The following SLCO1A2 variants were observed in gnomAD, a reference collection of about 807,000 sequenced individuals.
SLCO1A2 encodes the protein solute carrier organic anion transporter family member 1A2.
SLCO1A2 carries 67 observed loss-of-function variants against 69.0 expected under a neutral mutation model. The observed-to-expected ratio is 0.97, with a 90% CI of 0.80 to 1.19. The LOEUF is 1.19. SLCO1A2 is among the 50% of genes most tolerant of loss of function. The probability of loss-of-function intolerance (pLI) is 0.00; values close to 1 mark genes in which losing one functional copy is unlikely to be tolerated. For synonymous variants in SLCO1A2, 260 were observed against 265.9 expected (o/e 0.98, Z 0.22); for missense variants, 787 against 793.7 (o/e 0.99, Z 0.10).
chr12:21,301,301 A>G, intron 6 of SLCO1A2, 32 bp from the exon 7 acceptor site: 1 of 1,427,488 alleles, frequency 7.0e-7, no homozygotes. Context: ...AGGTTATAGT[A>G]CAGTTATATG....
intron 12 of SLCO1A2, among the ~76,000 whole-genome samples, chr12:21,276,549 A>G (rs1434278359): frequency 6.6e-6 from 1 of 151,832 alleles, no homozygotes; most frequent in Non-Finnish European, 1.5e-5. Context: ...TACATACAAA[A>G]AAAAACCAAA....
At chr12:21,295,378 A>T (rs922487711) in intron 10 of SLCO1A2, 2 of 473,688 alleles carry the variant, frequency 4.2e-6, no homozygotes, top group African/African-American at 3.9e-5. Flanking sequence ...ACATACAATC[A>T]TAAATTCACT....
At chr12:21,353,801 C>A (rs538990394) in intron 2 of SLCO1A2, among the ~76,000 whole-genome samples, 3 of 152,300 alleles carry the variant, frequency 2.0e-5, no homozygotes, top group South Asian at 4.1e-4. Context: ...TGGCTATTCT[C>A]AAGTGGTCAT....
chr12:21,397,540 A>G (rs1032636206), upstream of SLCO1A2, among the ~76,000 whole-genome samples: 1 of 152,112 alleles, frequency 6.6e-6, no homozygotes, highest in African/African-American at 2.4e-5. Flanking sequence ...ACATCTACAG[A>G]ACCCTCCACC....
chr12:21,327,168 C>A (rs1414771697), intron 2 of SLCO1A2, among the ~76,000 whole-genome samples: 1 of 152,136 alleles, frequency 6.6e-6, no homozygotes, highest in Non-Finnish European at 1.5e-5. Context: ...AAGTCTCAAG[C>A]TTTGGTTGGG....
upstream of SLCO1A2, among the ~76,000 whole-genome samples, chr12:21,398,492 A>G (rs1383935407): frequency 6.7e-6 from 1 of 149,958 alleles, no homozygotes; most frequent in Non-Finnish European, 1.5e-5. Flanking sequence ...TCCAATCAAT[A>G]GAAAAAGACG....
chr12:21,324,647 A>C (rs1039639356), intron 2 of SLCO1A2: 1 of 152,226 alleles, frequency 6.6e-6, no homozygotes, highest in African/African-American at 2.4e-5. Context: ...TCATAAAAAC[A>C]TACTTCACCC....
At chr12:21,353,916 C>G (rs776983551) in intron 2 of SLCO1A2, among the ~76,000 whole-genome samples, 3 of 152,170 alleles carry the variant, frequency 2.0e-5, no homozygotes, top group African/African-American at 7.2e-5. Flanking sequence ...TTCTTTATAA[C>G]TCTCCCAGCA....
intron 1 of SLCO1A2, among the ~76,000 whole-genome samples, chr12:21,408,813 T>G (rs555766896): frequency 6.6e-6 from 1 of 152,276 alleles, no homozygotes; most frequent in South Asian, 2.1e-4. Flanking sequence ...AAAGTGAGCT[T>G]GTTGTCCATC....
intron 4 of SLCO1A2, among the ~76,000 whole-genome samples, chr12:21,314,048 A>G (rs1003928987): frequency 5.3e-5 from 8 of 151,944 alleles, no homozygotes; most frequent in Non-Finnish European, 7.4e-5. Context: ...TAAAAGTTAT[A>G]AGCACTTGCC....
intron 2 of SLCO1A2, among the ~76,000 whole-genome samples, chr12:21,367,711 A>G (rs933973803): frequency 3.9e-5 from 6 of 152,154 alleles, no homozygotes; most frequent in African/African-American, 1.4e-4. Context: ...CACGCCATTC[A>G]TCAGAAATTA....
chr12:21,347,381 T>C (rs561582362), intron 2 of SLCO1A2, among the ~76,000 whole-genome samples: 68 of 152,224 alleles, frequency 4.5e-4, no homozygotes, highest in South Asian at 2.3e-3. Flanking sequence ...TGCGGTGGCT[T>C]ATGCCTGTAA....
intron 1 of SLCO1A2, among the ~76,000 whole-genome samples, chr12:21,414,659 CCTGT>C (rs1941963191): frequency 2.0e-5 from 3 of 152,104 alleles, no homozygotes; most frequent in South Asian, 2.1e-4. Context: ...AAATGCTATA[CCTGT>C]CTATCACATC....
upstream of SLCO1A2, among the ~76,000 whole-genome samples, chr12:21,398,661 A>C (rs1387705672): frequency 1.3e-5 from 2 of 151,830 alleles, no homozygotes; most frequent in African/African-American, 2.4e-5. Flanking sequence ...GCAGCACATC[A>C]AAAAGCTTAT....
rs1030547974 is a variant in SLCO1A2 at position 21,301,271 on chromosome 12, T to C, written c.590-2A>G. 3.8e-6 allele frequency: 6 copies of C among 1,593,562 alleles called. No individual in the cohort carries two copies. The highest frequency in any genetic ancestry group is 5.2e-6 in the Non-Finnish European group (6 of 1,164,906). The stretch of plus-strand genomic sequence containing the variant: ...TAATAGCTCCTGTTTCTACAAGCCC[T>C]AAAAATAAATAAAAGTATAAGGTTA... On this transcript the variant is annotated splice_acceptor_variant, in intron 6 of 14. Transcript: ENST00000683939. LOFTEE classifies it high-confidence loss of function.
Position 21,314,534 on chromosome 12 carries a change from G to A in SLCO1A2, c.335+15C>T, listed in dbSNP as rs1198027310. The A allele has an allele frequency of 1.2e-6, 2 of 1,612,140 alleles. No homozygotes were observed. Among genetic ancestry groups the A allele is most frequent in the African/African-American group, 1.3e-5 (1 of 74,820 alleles). ...GAAATTTGACCACCCAAAATTATCAGACTGGAGTACTTACTGGTTCATGAG... is the reference window on the plus strand; with the variant it reads ...GAAATTTGACCACCCAAAATTATCAAACTGGAGTACTTACTGGTTCATGAG... On this transcript the variant is annotated intron_variant, in intron 4 of 14. Transcript: ENST00000683939.
intron 2 of SLCO1A2, among the ~76,000 whole-genome samples, chr12:21,327,222 T>G (rs181069945): frequency 6.0e-4 from 91 of 152,292 alleles, no homozygotes; most frequent in Middle Eastern, 3.4e-3. Context: ...TGGGAACCTC[T>G]GCCTAGATTT....
intron 2 of SLCO1A2, chr12:21,319,354 A>C: frequency 2.2e-6 from 3 of 1,368,158 alleles, no homozygotes; most frequent in Non-Finnish European, 2.9e-6. Flanking sequence ...TCTGCAGGAC[A>C]ATAGGTCCCC....
rs543728957 is a variant in SLCO1A2 at position 21,373,233 on chromosome 12, G to A, written c.-63+1166C>T. 7.4e-5 allele frequency: 56 copies of A among 757,350 alleles called. No homozygotes were observed. The East Asian group carries it at 7.4e-4, about 10-fold the overall frequency. The allele number at this position is 757,350 out of a possible 1,614,324, so 46.9% of individuals were successfully genotyped here. On this transcript the variant is annotated intron_variant, in intron 2 of 15. Coordinates refer to the SLCO1A2 transcript ENST00000307378. Reference sequence around the variant, plus strand: ...AAAAATTTTGATCCTTGTAAATTACGTTTTAAAAAGATGTTTCTTTTAAAA... The same window carrying A: ...AAAAATTTTGATCCTTGTAAATTACATTTTAAAAAGATGTTTCTTTTAAAA...
Sources: allele counts gnomAD v4.1 joint callset (sites outside exome capture counted in the v4.1 genomes callset), GRCh38; gene constraint gnomAD v4.1.1; transcripts MANE v1.5; gene names NCBI Gene and HGNC (gene_info 2026-07-23, HGNC 2026-07-21).